The following MAP2K5 variants were observed in gnomAD, a reference collection of about 807,000 sequenced individuals.
MAP2K5 encodes dual specificity mitogen-activated protein kinase kinase 5.
In MAP2K5, 49 loss-of-function variants were observed where a neutral mutation model predicts 83.1. That is an observed-to-expected ratio of 0.59 (90% CI 0.47 to 0.75). The LOEUF (loss-of-function observed/expected upper bound fraction) is 0.75. Ranked by LOEUF, MAP2K5 falls within the 30% of genes least tolerant of loss-of-function variation. The pLI, the probability that MAP2K5 is intolerant of heterozygous loss-of-function variation, is 0.00. For missense variants in MAP2K5, 457 were observed against 557.5 expected (o/e 0.82, Z 1.82); for synonymous variants, 202 against 191.8 (o/e 1.05, Z -0.44).
At position 67,587,507 on chromosome 15, in the gene MAP2K5, A is replaced by G. The variant is rs2085314274; in HGVS notation, c.431+594A>G. On this transcript the variant is annotated intron_variant, in intron 6 of 21. Coordinates refer to ENST00000178640, the MANE Select transcript of MAP2K5 (RefSeq NM_145160.3). The surrounding 1 kb of genome is among the most constrained non-coding windows in gnomAD (Gnocchi z 4.8). ...GCCCTCCTTTAATGTTTGACTTCCT[A>G]CTCCTTGCCAAATGGTCATCAAATC... 6.6e-6 allele frequency among the ~76,000 whole-genome samples: 1 copy of G among 151,868 alleles called. No homozygotes were observed. Among genetic ancestry groups the G allele is most frequent in the South Asian group, 2.1e-4 (1 of 4,816 alleles).
intron 21 of MAP2K5, among the ~76,000 whole-genome samples, chr15:67,800,104 A>G (rs2090676605): frequency 6.6e-6 from 1 of 152,190 alleles, no homozygotes. Context: ...TATCTCATGT[A>G]ATTAATATTA....
intron 13 of MAP2K5, among the ~76,000 whole-genome samples, chr15:67,670,113 A>G (rs1170165548): frequency 6.6e-6 from 1 of 152,198 alleles, no homozygotes; most frequent in Non-Finnish European, 1.5e-5. Flanking sequence ...ACTCAGCAAT[A>G]AAACAAGCTA....
At chr15:67,759,644 TTTA>T (rs2089912396) in intron 19 of MAP2K5, among the ~76,000 whole-genome samples, 1 of 152,004 alleles carries the variant, frequency 6.6e-6, no homozygotes, top group South Asian at 2.1e-4. Flanking sequence ...CCTTAGAGAC[TTTA>T]CCATGACTCT....
At chr15:67,550,661 T>G (rs1248373364) in intron 2 of MAP2K5, among the ~76,000 whole-genome samples, 1 of 151,830 alleles carries the variant, frequency 6.6e-6, no homozygotes, top group Non-Finnish European at 1.5e-5. Context: ...GAATGAGTCA[T>G]GCTACGATGA....
chr15:67,775,659 C>T lies in MAP2K5; in HGVS notation c.1242+2907C>T, dbSNP rs2090224525. On this transcript the variant is annotated intron_variant, in intron 21 of 21. Transcript: ENST00000178640. The surrounding 1 kb of genome is among the most constrained non-coding windows in gnomAD (Gnocchi z 5.3). ...TGAAGTAACTAGTATAAAAGAACTG[C>T]AGGGTTCTGTGGAGATCCATCTGGG... is the stretch of plus-strand genomic sequence containing the variant. 6.6e-6 allele frequency among the ~76,000 whole-genome samples: 1 copy of T among 152,116 alleles called. No homozygotes were observed. Among genetic ancestry groups the T allele is most frequent in the Non-Finnish European group, 1.5e-5 (1 of 68,028 alleles).
At chr15:67,599,733 A>G (rs972090699) in intron 7 of MAP2K5, among the ~76,000 whole-genome samples, 2 of 148,482 alleles carry the variant, frequency 1.3e-5, no homozygotes, top group African/African-American at 2.5e-5. Context: ...AGCTTTAGCT[A>G]TATGGAAAAG....
chr15:67,658,319 G>T (rs2087140066), intron 11 of MAP2K5, among the ~76,000 whole-genome samples: 1 of 152,042 alleles, frequency 6.6e-6, no homozygotes, highest in South Asian at 2.1e-4. Context: ...GTTTCTTTCA[G>T]TTTTTCATGT....
Position 67,793,792 on chromosome 15 carries a change from A to G in MAP2K5, c.1243-12854A>G, listed in dbSNP as rs1353665569. Reference sequence around the variant, plus strand: ...TATAAATGTCCAAGTTTGAAGCAATATGATTATTTTGATCTTGAATCAGTA... The same window carrying G: ...TATAAATGTCCAAGTTTGAAGCAATGTGATTATTTTGATCTTGAATCAGTA... On this transcript the variant is annotated intron_variant, in intron 21 of 21. Transcript: ENST00000178640. The surrounding 1 kb of genome is among the most constrained non-coding windows in gnomAD (Gnocchi z 4.6). Among the ~76,000 whole-genome samples, 3 of 152,216 alleles carry G rather than the reference A, an allele frequency of 2.0e-5. No individual in the cohort carries two copies. Among genetic ancestry groups the G allele is most frequent in the Admixed American group, 1.3e-4 (2 of 15,280 alleles).
Position 67,600,700 on chromosome 15 carries a change from A to G in MAP2K5, c.496A>G (p.Ile166Val), listed in dbSNP as rs771967859. The G allele has an allele frequency of 1.2e-6, 2 of 1,610,136 alleles. No homozygotes were observed. ...LANGQMNEQD[I>V]RYRDTLGHGN... Reference sequence around the variant, plus strand: ...TCTTGTGGAGATGAATGAACAAGACATACGATATCGGGACACTCTTGGTCA... The same window carrying G: ...TCTTGTGGAGATGAATGAACAAGACGTACGATATCGGGACACTCTTGGTCA... The change falls in exon 8 of 22, where the codon ATA becomes GTA. Residue 166 changes from isoleucine (I) to valine (V), a missense_variant. Ile to Val is a conservative substitution (Grantham distance 29). Transcript: ENST00000178640.
chr15:67,671,648 GTTT>G (rs879340541), intron 13 of MAP2K5, among the ~76,000 whole-genome samples: 1 of 148,294 alleles, frequency 6.7e-6, no homozygotes, highest in Non-Finnish European at 1.5e-5. Context: ...GCAAGAACAC[GTTT>G]TTTTTTCTTT....
At chr15:67,742,183 G>A (rs1005974691) in intron 17 of MAP2K5, among the ~76,000 whole-genome samples, 3 of 152,156 alleles carry the variant, frequency 2.0e-5, no homozygotes, top group East Asian at 1.9e-4. Flanking sequence ...GAGCCACTGC[G>A]CCCGGCCAAG....
chr15:67,730,626 G>C (rs1179000418), intron 17 of MAP2K5, among the ~76,000 whole-genome samples: 3 of 152,184 alleles, frequency 2.0e-5, no homozygotes, highest in Non-Finnish European at 4.4e-5. Flanking sequence ...ATCAAGCTGA[G>C]AACTATCTCA....
chr15:67,704,753 T>G (rs1407078091), intron 16 of MAP2K5, among the ~76,000 whole-genome samples: 1 of 152,246 alleles, frequency 6.6e-6, no homozygotes, highest in Non-Finnish European at 1.5e-5. Flanking sequence ...TTAGCCTGTT[T>G]CAGGGGAAAC....
chr15:67,736,023 G>A lies in MAP2K5; in HGVS notation c.1074+8078G>A, dbSNP rs9888652. ...AGCATATTATATTTGGTGTTGTTCC[G>A]GTACTTTAACAGTACTACCATTGTT... On this transcript the variant is annotated intron_variant, in intron 17 of 21. Coordinates refer to ENST00000178640, the MANE Select transcript of MAP2K5 (RefSeq NM_145160.3). The surrounding 1 kb of genome is among the most constrained non-coding windows in gnomAD (Gnocchi z 4.3). 0.98 allele frequency among the ~76,000 whole-genome samples: 149,234 copies of A among 152,314 alleles called. 73,188 individuals are homozygous for A. The highest frequency in any genetic ancestry group is 1 in the East Asian group (5,182 of 5,182).
intron 15 of MAP2K5, 31 bp from the exon 16 acceptor site, chr15:67,703,306 C>G (rs1596822095): frequency 6.5e-7 from 1 of 1,533,674 alleles, no homozygotes; most frequent in Non-Finnish European, 9.0e-7. Flanking sequence ...AGCATCCGTC[C>G]ACTCACAGGC....
At position 67,702,673 on chromosome 15, in the gene MAP2K5, G is replaced by T. The variant is rs2088450040; in HGVS notation, c.973-664G>T. On this transcript the variant is annotated intron_variant, in intron 15 of 21. Coordinates refer to ENST00000178640, the MANE Select transcript of MAP2K5 (RefSeq NM_145160.3). This position sits in a 1 kb window ranked among gnomAD's most constrained non-coding sequence, Gnocchi z 4.6. ...GTTTATGTAGCCTCTTTTAGACCGG[G>T]TATTTGCTATACATCTTGAGTGGAG... Among the ~76,000 whole-genome samples the T allele has an allele frequency of 6.6e-6, 1 of 152,176 alleles. No homozygotes were observed. Among genetic ancestry groups the T allele is most frequent in the African/African-American group, 2.4e-5 (1 of 41,440 alleles).
chr15:67,706,361 C>G (rs117466843), intron 16 of MAP2K5, among the ~76,000 whole-genome samples: 859 of 152,160 alleles, frequency 5.6e-3, no homozygotes, highest in Middle Eastern at 0.034. Context: ...TTTTCAGGAT[C>G]GAAGAGGATT....
chr15:67,605,903 C>T (rs74023019), intron 8 of MAP2K5, among the ~76,000 whole-genome samples: 22,148 of 152,084 alleles, frequency 0.15, 2,073 homozygotes, highest in African/African-American at 0.25. Flanking sequence ...AGAACATTCA[C>T]CTAGAAGAAA....
At chr15:67,568,715 A>C (rs1285871179) in intron 3 of MAP2K5, among the ~76,000 whole-genome samples, 1 of 152,158 alleles carries the variant, frequency 6.6e-6, no homozygotes, top group East Asian at 1.9e-4. Flanking sequence ...AATGTAAAAA[A>C]TACTCTGTTG....
Sources: gnomAD v4.1 joint callset for allele counts (sites outside exome capture counted in the v4.1 genomes callset) on GRCh38, gnomAD v4.1.1 for gene constraint, Gnocchi (gnomAD v3.1) non-coding constraint, MANE v1.5 for transcripts, NCBI Gene and HGNC (gene_info 2026-07-23, HGNC 2026-07-21) for gene names.